The following MFN1 variants were observed in gnomAD, a reference collection of about 807,000 sequenced individuals.
MFN1 encodes the protein mitofusin 1.
MFN1 carries 65 observed loss-of-function variants against 92.4 expected under a neutral mutation model. The observed-to-expected ratio is 0.70, with a 90% confidence interval of 0.58 to 0.86. The LOEUF (loss-of-function observed/expected upper bound fraction) is 0.86, where lower values mean the gene tolerates loss of function less well. Among genes scored for constraint, MFN1 ranks in the 40% least tolerant of loss-of-function variants. MFN1 has a pLI of 0.00. For synonymous variants in MFN1, 297 were observed against 300.9 expected (o/e 0.99, Z 0.13); for missense variants, 781 against 868.0 (o/e 0.90, Z 1.26).
At position 179,378,657 on chromosome 3, in the gene MFN1, A is replaced by T. The variant is rs1237090126; in HGVS notation, c.1505A>T (p.Asp502Val). 2 of 1,613,776 alleles carry T rather than the reference A, an allele frequency of 1.2e-6. No homozygotes were observed. The highest frequency in any genetic ancestry group is 1.7e-6 in the Non-Finnish European group (2 of 1,179,870). ...ACACTGATCCCTTGCAAGAAATTTGATCTCAGTTATAATCTAAATTACCAC... is the reference window on the plus strand; with the variant it reads ...ACACTGATCCCTTGCAAGAAATTTGTTCTCAGTTATAATCTAAATTACCAC... ...LHTLIPCKKF[D>V]LSYNLNYHKL... The change falls in exon 14 of 18, where the codon GAT becomes GTT. Residue 502 changes from aspartate to valine, a missense_variant. Physicochemically the swap from Asp to Val is radical, Grantham distance 152. Transcript: ENST00000471841.
intron 2 of MFN1, 120 bp downstream of exon 2, chr3:179,349,083 C>A: frequency 4.4e-6 from 3 of 689,164 alleles, no homozygotes; most frequent in South Asian, 7.8e-5. Context: ...ATGAGAAGTA[C>A]CATAATGAAT....
Position 179,364,375 on chromosome 3 carries a change from C to G in MFN1, c.615C>G (p.Val205=). 3 of 1,613,138 alleles carry G rather than the reference C, an allele frequency of 1.9e-6. No homozygotes were observed. The South Asian group carries it at 3.3e-5, about 18-fold the overall frequency. Residue 205 remains valine, a synonymous_variant, in exon 6 of 18, where the codon GTC becomes GTG. Coordinates refer to ENST00000471841, the MANE Select transcript of MFN1 (RefSeq NM_033540.3). ...TAGATGCTGATGTCTTTGTTTTGGT[C>G]GCAAACTCTGAATCAACACTAATGA... ...FCLDADVFVL[V]ANSESTLMNT... is the part of the protein sequence containing the mutation.
chr3:179,376,424 T>A (rs796315680), intron 10 of MFN1, among the ~76,000 whole-genome samples: 10 of 152,320 alleles, frequency 6.6e-5, no homozygotes, highest in African/African-American at 2.2e-4. Flanking sequence ...AAGATGTGAT[T>A]TGAGGATTGT....
chr3:179,370,460 T>A (rs1411389186), intron 9 of MFN1, among the ~76,000 whole-genome samples: 2 of 134,040 alleles, frequency 1.5e-5, no homozygotes. Flanking sequence ...AATGAGGGAG[T>A]GAGTGCAGCG....
At chr3:179,352,816 A>G (rs1168977349) in intron 3 of MFN1, among the ~76,000 whole-genome samples, 1 of 152,102 alleles carries the variant, frequency 6.6e-6, no homozygotes, top group African/African-American at 2.4e-5. Context: ...CAGTGGCACA[A>G]TCTCGGCTCG....
chr3:179,356,900 C>T (rs1000090840), intron 3 of MFN1, among the ~76,000 whole-genome samples: 3 of 152,134 alleles, frequency 2.0e-5, no homozygotes, highest in African/African-American at 7.2e-5. Flanking sequence ...GAGGTTTAAT[C>T]GTAGGGTCAC....
Position 179,351,975 on chromosome 3 carries a change from A to G in MFN1, c.188A>G (p.Lys63Arg), listed in dbSNP as rs1712167528. 1.2e-6 allele frequency: 2 copies of G among 1,610,992 alleles called. No individual in the cohort carries two copies. Among genetic ancestry groups the G allele is most frequent in the Non-Finnish European group, 1.7e-6 (2 of 1,177,782 alleles). Residue 63 changes from lysine (K) to arginine (R), a missense_variant, in exon 3 of 18, where the codon AAG (lysine) becomes AGG (arginine). Coordinates refer to ENST00000471841, the MANE Select transcript of MFN1 (RefSeq NM_033540.3). ...GTAGAAATGCAAGGATATAAAGACA[A>G]GCTTTCCATCATTGGTGAGGTGCTA... ...DLVEMQGYKDKLSIIGEVLSR... is the reference protein window; with the variant it reads ...DLVEMQGYKDRLSIIGEVLSR...
At position 179,378,819 on chromosome 3, in the gene MFN1, G is replaced by GT. The variant is rs758610813; in HGVS notation, c.1662+6dup. ...TTATCAGAGCCTATCTTTCAGGTATGTATCTTTGAATCTACCAATTAAGAC... is the reference window on the plus strand; with the variant it reads ...TTATCAGAGCCTATCTTTCAGGTATGTTATCTTTGAATCTACCAATTAAGAC... On this transcript the variant is annotated splice_donor_region_variant and intron_variant, in intron 14 of 17. Coordinates refer to ENST00000471841, the MANE Select transcript of MFN1 (RefSeq NM_033540.3). 5 of 1,594,294 alleles carry GT rather than the reference G, an allele frequency of 3.1e-6. No homozygotes were observed. Among genetic ancestry groups the GT allele is most frequent in the Non-Finnish European group, 4.3e-6 (5 of 1,163,240 alleles).
intron 16 of MFN1, among the ~76,000 whole-genome samples, chr3:179,389,557 A>G (rs1713822308): frequency 6.6e-6 from 1 of 152,214 alleles, no homozygotes; most frequent in South Asian, 2.1e-4. Flanking sequence ...ATTTAAAAAT[A>G]TAATGTTTGC....
At chr3:179,382,868 T>C (rs1713525307) in intron 14 of MFN1, among the ~76,000 whole-genome samples, 1 of 152,232 alleles carries the variant, frequency 6.6e-6, no homozygotes, top group Admixed American at 6.5e-5. Flanking sequence ...CATAAATGTC[T>C]TCTTTTGAGA....
At chr3:179,375,127 G>C in intron 9 of MFN1, 93 bp from the exon 10 acceptor site, 1 of 1,333,854 alleles carries the variant, frequency 7.5e-7, no homozygotes, top group Non-Finnish European at 9.9e-7. Context: ...TTCTGTTTGG[G>C]TTAAAGTTAC....
At chr3:179,379,651 G>A (rs1313358083) in intron 14 of MFN1, among the ~76,000 whole-genome samples, 3 of 152,186 alleles carry the variant, frequency 2.0e-5, no homozygotes, top group Non-Finnish European at 1.5e-5. Flanking sequence ...ACAGCACCCA[G>A]GCTGTTTAAA....
intron 9 of MFN1, among the ~76,000 whole-genome samples, chr3:179,369,391 C>CTAT (rs775409857): frequency 2.0e-5 from 3 of 152,118 alleles, no homozygotes; most frequent in Non-Finnish European, 4.4e-5. Context: ...GGGAGAGGAT[C>CTAT]TATTCTACTT....
rs138138105 is a variant in MFN1, at chr3:179,352,132, C to G, written c.248+97C>G. On this transcript the variant is annotated intron_variant, in intron 3 of 17. Transcript: ENST00000471841. ...TATTTCTCCCATCCTCCCCCAGCCC[C>G]GCAAGTTTCTGCCTGTGTTGAATGT... is the stretch of plus-strand genomic sequence containing the variant. 28 of 1,292,592 alleles carry G rather than the reference C, an allele frequency of 2.2e-5. 2 individuals are homozygous for G. The highest frequency in any genetic ancestry group is 2.0e-4 in the South Asian group (11 of 54,272). 80.1% of individuals were successfully genotyped at this position (1,292,592 alleles called of 1,614,324 possible). A position where few individuals can be genotyped will look rare whatever the true frequency, so the allele number is the denominator to read the frequency against.
Position 179,365,216 on chromosome 3 carries a change from T to C in MFN1, c.744T>C (p.Tyr248=), listed in dbSNP as rs1400809497. 6 of 1,534,088 alleles carry C rather than the reference T, an allele frequency of 3.9e-6. No homozygotes were observed. Among genetic ancestry groups the C allele is most frequent in the Admixed American group, 2.4e-5 (1 of 41,076 alleles). The change falls in exon 7 of 18, where the codon TAT becomes TAC. Residue 248 remains tyrosine (Y), a synonymous_variant. Transcript: ENST00000471841. ...RWDASASEPE[Y]MEDVRRQHME... ...ATGCCTCTGCATCAGAGCCAGAATA[T>C]ATGGAAGACGTAAGTTGTTATTTTT...
At chr3:179,378,291 T>C (rs1037346326) in intron 12 of MFN1, 50 bp from the exon 13 acceptor site, 21 of 1,333,210 alleles carry the variant, frequency 1.6e-5, no homozygotes, top group Non-Finnish European at 2.1e-5. Context: ...TTATAAAAAC[T>C]ACATACTTTC....
intron 5 of MFN1, 35 bp from the exon 6 acceptor site, chr3:179,364,262 G>A (rs1220833516): frequency 2.1e-6 from 3 of 1,433,880 alleles, no homozygotes; most frequent in Non-Finnish European, 1.9e-6. Flanking sequence ...TTCTTTTTAA[G>A]AAATATAATA....
chr3:179,365,755 A>G (rs1349935806), intron 7 of MFN1, among the ~76,000 whole-genome samples: 1 of 152,214 alleles, frequency 6.6e-6, no homozygotes. Context: ...GTTCAACTTT[A>G]TATAACAGAA....
intron 9 of MFN1, among the ~76,000 whole-genome samples, chr3:179,370,389 G>GTTT (rs1354406941): frequency 1.0e-5 from 1 of 96,778 alleles, no homozygotes; most frequent in Non-Finnish European, 2.1e-5. Context: ...CATTCACTAA[G>GTTT]TTCTTTTTTT....
Sources: allele counts gnomAD v4.1 joint callset (sites outside exome capture counted in the v4.1 genomes callset), GRCh38; gene constraint gnomAD v4.1.1; transcripts MANE v1.5; gene names NCBI Gene and HGNC (gene_info 2026-07-23, HGNC 2026-07-21).